The following CAMK2A variants were observed in gnomAD, a reference collection of about 807,000 sequenced individuals.
The protein encoded by CAMK2A is calcium/calmodulin dependent protein kinase II alpha, also known as calcium/calmodulin-dependent protein kinase type II subunit alpha.
CAMK2A carries 7 observed loss-of-function variants against 79.2 expected under a neutral mutation model. The observed-to-expected ratio is 0.09, with a 90% CI of 0.05 to 0.17. The LOEUF is 0.17. Ranked by LOEUF, CAMK2A falls within the 10% of genes least tolerant of loss-of-function variation. The probability of loss-of-function intolerance (pLI) is 1.00; values close to 1 mark genes in which losing one functional copy is unlikely to be tolerated. For synonymous variants in CAMK2A, 242 were observed against 251.7 expected (o/e 0.96, Z 0.36); for missense variants, 214 against 646.4 (o/e 0.33, Z 7.25).
At chr5:150,228,968 G>A (rs1462244822) in intron 16 of CAMK2A, among the ~76,000 whole-genome samples, 2 of 152,166 alleles carry the variant, frequency 1.3e-5, no homozygotes, top group Admixed American at 6.5e-5. Context: ...TAGTCTTCTC[G>A]GAGATCCTGA....
rs1032507674 is a variant in CAMK2A at position 150,238,144 on chromosome 5, A to G, written c.1066+556T>C. ...AATTTTTCTCTAATACACATATAAT[A>G]TATATCCTCTAACATAAGAAAACTG... is the stretch of plus-strand genomic sequence containing the variant. On this transcript the variant is annotated intron_variant, in intron 15 of 18. Transcript: ENST00000671881. 5 of 154,724 alleles carry G rather than the reference A, an allele frequency of 3.2e-5. No individual in the cohort carries two copies. The South Asian group carries it at 9.9e-4, about 31-fold the overall frequency. The allele number at this position is 154,724 out of a possible 1,614,324, so 9.6% of individuals were successfully genotyped here. A position where few individuals can be genotyped will look rare whatever the true frequency, so the allele number is the denominator to read the frequency against.
chr5:150,225,041 GGAGAGA>G (rs58360121), intron 17 of CAMK2A, among the ~76,000 whole-genome samples: 149 of 108,930 alleles, frequency 1.4e-3, no homozygotes, highest in East Asian at 1.2e-3. Context: ...TGGTAGGTAG[GGAGAGA>G]GAGAGAGAGA....
At position 150,222,457 on chromosome 5, in the gene CAMK2A, C is replaced by G; in HGVS notation, c.*253G>C. ...AGAGGGGGCCAGTGCTGTGGACACC[C>G]ATGCCTGAGGAAGCCCCAGCCTGGC... On this transcript the variant is annotated 3_prime_UTR_variant, in exon 19 of 19. Coordinates refer to ENST00000671881, the MANE Select transcript of CAMK2A (RefSeq NM_015981.4). 1.4e-6 allele frequency: 1 copy of G among 700,674 alleles called. No homozygotes were observed. Among genetic ancestry groups the G allele is most frequent in the Non-Finnish European group, 2.6e-6 (1 of 384,026 alleles). 43.4% of individuals were successfully genotyped at this position (700,674 alleles called of 1,614,324 possible). A position where few individuals can be genotyped will look rare whatever the true frequency, so the allele number is the denominator to read the frequency against.
At chr5:150,268,380 TCTG>T (rs1756603240) in intron 2 of CAMK2A, among the ~76,000 whole-genome samples, 3 of 152,158 alleles carry the variant, frequency 2.0e-5, no homozygotes, top group Non-Finnish European at 4.4e-5. Flanking sequence ...TGCTGTGCCT[TCTG>T]CCTGGAAAGC....
Position 150,231,356 on chromosome 5 carries a change from A to G in CAMK2A, c.1091T>C (p.Val364Ala). The G allele has an allele frequency of 6.3e-7, 1 of 1,586,970 alleles. No homozygotes were observed. Among genetic ancestry groups the G allele is most frequent in the Admixed American group, 1.8e-5 (1 of 55,878 alleles). The stretch of plus-strand genomic sequence containing the variant: ...TATGGCTTCAATCAGCTGCTCTGTC[A>G]CTTTTATAATTTCCTGTTTCCGCAC... ...TKVRKQEIIK[V>A]TEQLIEAISN... Residue 364 changes from valine to alanine, a missense_variant, in exon 16 of 19, where the codon GTG becomes GCG. Physicochemically the swap from Val to Ala is moderately conservative, Grantham distance 64. Transcript: ENST00000671881.
rs1413546674 is a variant in CAMK2A, at chr5:150,222,638, A to G, written c.*72T>C. On this transcript the variant is annotated 3_prime_UTR_variant, in exon 19 of 19. Transcript: ENST00000671881. ...AATTCCAGCAAAATCCACCTGGGAG[A>G]ACCAGCAGCTCCACTCCACGGACAG... is the stretch of plus-strand genomic sequence containing the variant. 2 of 1,564,762 alleles carry G rather than the reference A, an allele frequency of 1.3e-6. No individual in the cohort carries two copies. Among genetic ancestry groups the G allele is most frequent in the African/African-American group, 2.7e-5 (2 of 73,744 alleles).
At chr5:150,271,458 C>T (rs1397601333) in intron 2 of CAMK2A, among the ~76,000 whole-genome samples, 2 of 152,180 alleles carry the variant, frequency 1.3e-5, no homozygotes, top group African/African-American at 4.8e-5. Flanking sequence ...GGGAGGCCTG[C>T]GGGGAGCAGC....
At chr5:150,286,224 C>A (rs1757420900) in intron 1 of CAMK2A, among the ~76,000 whole-genome samples, 1 of 152,162 alleles carries the variant, frequency 6.6e-6, no homozygotes, top group Admixed American at 6.5e-5. Flanking sequence ...AGAGACAGCC[C>A]CACCCCAACC....
At chr5:150,254,838 G>A (rs949201709) in intron 6 of CAMK2A, among the ~76,000 whole-genome samples, 10 of 152,286 alleles carry the variant, frequency 6.6e-5, no homozygotes, top group East Asian at 3.9e-4. Flanking sequence ...TAAGCACTTC[G>A]CTGTGGCCTA....
intron 2 of CAMK2A, among the ~76,000 whole-genome samples, chr5:150,272,429 G>T (rs376412176): frequency 6.6e-6 from 1 of 151,994 alleles, no homozygotes; most frequent in African/African-American, 2.4e-5. Context: ...AAAATTAGCC[G>T]GGCATGGCGG....
At chr5:150,288,577 C>A (rs1757530179) in intron 1 of CAMK2A, among the ~76,000 whole-genome samples, 1 of 152,172 alleles carries the variant, frequency 6.6e-6, no homozygotes, top group Non-Finnish European at 1.5e-5. Flanking sequence ...GAACTCACAC[C>A]AATACACACC....
chr5:150,257,117 G>C (rs1344574379), intron 4 of CAMK2A, among the ~76,000 whole-genome samples: 1 of 152,066 alleles, frequency 6.6e-6, no homozygotes, highest in African/African-American at 2.4e-5. Context: ...CACATCACTA[G>C]GCTCATTAGG....
chr5:150,272,755 T>G (rs1323617909), intron 2 of CAMK2A, among the ~76,000 whole-genome samples: 3 of 151,492 alleles, frequency 2.0e-5, no homozygotes, highest in Non-Finnish European at 4.4e-5. Context: ...GGTAGAGGTC[T>G]GGAGGGGAGA....
chr5:150,223,332 T>C lies in CAMK2A; in HGVS notation c.1238-115A>G. 2.5e-6 allele frequency: 2 copies of C among 804,800 alleles called. No homozygotes were observed. Among genetic ancestry groups the C allele is most frequent in the Non-Finnish European group, 4.0e-6 (2 of 499,634 alleles). The allele number at this position is 804,800 out of a possible 1,614,324, so 49.9% of individuals were successfully genotyped here. On this transcript the variant is annotated intron_variant, in intron 17 of 18. Transcript: ENST00000671881. The surrounding 1 kb of genome is among the most constrained non-coding windows in gnomAD (Gnocchi z 4.1). Reference sequence around the variant, plus strand: ...CAATGGAGGCGCCCTGCCTGACTCATTTGCAGGGAAGGGGCCTGTGTGGCA... The same window carrying C: ...CAATGGAGGCGCCCTGCCTGACTCACTTGCAGGGAAGGGGCCTGTGTGGCA...
chr5:150,251,910 G>T, intron 8 of CAMK2A, 66 bp from the exon 9 acceptor site: 1 of 1,549,788 alleles, frequency 6.5e-7, no homozygotes, highest in Non-Finnish European at 8.9e-7. Context: ...GGGGAGTGAT[G>T]GGAAAGGAGA....
intron 1 of CAMK2A, 21 bp from the exon 2 acceptor site, chr5:150,273,180 G>A (rs1376149868): frequency 3.8e-6 from 6 of 1,585,880 alleles, no homozygotes; most frequent in African/African-American, 1.3e-5. Flanking sequence ...AGAGAAGGTG[G>A]AGAGGGTGAG....
chr5:150,281,510 CT>C (rs1228317526), intron 1 of CAMK2A, among the ~76,000 whole-genome samples: 8 of 152,210 alleles, frequency 5.3e-5, no homozygotes, highest in African/African-American at 1.9e-4. Flanking sequence ...TAATGTCTTA[CT>C]TTTGAAGTCC....
At chr5:150,272,939 G>T in intron 2 of CAMK2A, 126 bp downstream of exon 2, 3 of 716,508 alleles carry the variant, frequency 4.2e-6, no homozygotes, top group Non-Finnish European at 5.0e-6. Context: ...GGGAAGAGCA[G>T]CCCCCACCCC....
rs997384033 is a variant in CAMK2A at position 150,284,364 on chromosome 5, C to A, written c.62+5200G>T. Among the ~76,000 whole-genome samples the A allele has an allele frequency of 6.6e-6, 1 of 152,152 alleles. No homozygotes were observed. Among genetic ancestry groups the A allele is most frequent in the Non-Finnish European group, 1.5e-5 (1 of 68,024 alleles). On this transcript the variant is annotated intron_variant, in intron 1 of 18. Coordinates refer to ENST00000671881, the MANE Select transcript of CAMK2A (RefSeq NM_015981.4). This position sits in a 1 kb window ranked among gnomAD's most constrained non-coding sequence, Gnocchi z 5.3. ...GAAGACGCATGTGTGTGTGTGAGCA[C>A]GCATGCATCAGCAACAGGATGCGAG...
Sources: allele counts gnomAD v4.1 joint callset (sites outside exome capture counted in the v4.1 genomes callset), GRCh38; gene constraint gnomAD v4.1.1; non-coding constraint Gnocchi (gnomAD v3.1); transcripts MANE v1.5; gene names NCBI Gene and HGNC (gene_info 2026-07-23, HGNC 2026-07-21).